The following SOX6 variants were observed in gnomAD, a reference collection of about 807,000 sequenced individuals.
SOX6 encodes the protein SRY-box transcription factor 6, also known as transcription factor SOX-6.
SOX6 carries 11 observed loss-of-function variants against 97.8 expected under a neutral mutation model. That is an observed-to-expected ratio of 0.11 (90% CI 0.07 to 0.19). The LOEUF (loss-of-function observed/expected upper bound fraction) is 0.19. Among genes scored for constraint, SOX6 ranks in the 10% least tolerant of loss-of-function variants. The pLI, the probability that SOX6 is intolerant of heterozygous loss-of-function variation, is 1.00. For missense variants in SOX6, 810 were observed against 1,039.5 expected (o/e 0.78, Z 3.04); for synonymous variants, 360 against 371.4 (o/e 0.97, Z 0.35).
At chr11:16,371,599 T>C (rs1054245484) in intron 1 of SOX6, among the ~76,000 whole-genome samples, 1 of 152,134 alleles carries the variant, frequency 6.6e-6, no homozygotes, top group Non-Finnish European at 1.5e-5. Context: ...AAGTGCTCAG[T>C]AAACACTGTT....
chr11:16,144,569 T>C (rs943635874), intron 6 of SOX6, among the ~76,000 whole-genome samples: 10 of 152,078 alleles, frequency 6.6e-5, no homozygotes, highest in African/African-American at 2.4e-4. Context: ...CAGCTGGTTT[T>C]TTGAAAAGAT....
At chr11:16,527,105 A>G (rs938288424) in intron 4 of SOX6, among the ~76,000 whole-genome samples, 14 of 152,106 alleles carry the variant, frequency 9.2e-5, no homozygotes, top group African/African-American at 3.4e-4. Context: ...TGTTCATTGC[A>G]AGTATCCTGA....
chr11:16,380,607 T>C (rs956798856), intron 1 of SOX6, among the ~76,000 whole-genome samples: 1 of 152,110 alleles, frequency 6.6e-6, no homozygotes, highest in African/African-American at 2.4e-5. Flanking sequence ...CAAATAAGTA[T>C]GATAGTTTTT....
chr11:16,145,237 C>T (rs191828148), intron 6 of SOX6, among the ~76,000 whole-genome samples: 292 of 152,202 alleles, frequency 1.9e-3, no homozygotes, highest in African/African-American at 6.8e-3. Context: ...TAAACAGAAC[C>T]AAAGACAAAA....
chr11:16,632,113 G>A (rs1270391353), intron 3 of SOX6, among the ~76,000 whole-genome samples: 1 of 152,188 alleles, frequency 6.6e-6, no homozygotes, highest in East Asian at 1.9e-4. Context: ...TTGCTAGAGA[G>A]CTAATGTGAT....
chr11:16,148,677 C>T (rs941538705), intron 6 of SOX6, among the ~76,000 whole-genome samples: 4 of 152,074 alleles, frequency 2.6e-5, no homozygotes, highest in East Asian at 1.9e-4. Flanking sequence ...CTACTGCTGG[C>T]GCACCCACGC....
chr11:16,703,645 ACAAAC>A (rs2134042836), intron 3 of SOX6, among the ~76,000 whole-genome samples: 1 of 152,278 alleles, frequency 6.6e-6, no homozygotes, highest in South Asian at 2.1e-4. Flanking sequence ...CTCATCAAAA[ACAAAC>A]CAAACTATAA....
chr11:16,598,738 C>T (rs1400874951), intron 4 of SOX6, among the ~76,000 whole-genome samples: 1 of 151,216 alleles, frequency 6.6e-6, no homozygotes, highest in African/African-American at 2.4e-5. Context: ...TTTTCTTTGT[C>T]TAATTTTAAA....
chr11:16,700,655 C>T (rs1006749395), intron 3 of SOX6, among the ~76,000 whole-genome samples: 4 of 152,180 alleles, frequency 2.6e-5, no homozygotes, highest in Non-Finnish European at 5.9e-5. Flanking sequence ...TCCCACTCTA[C>T]TTTAGGGTCT....
intron 3 of SOX6, among the ~76,000 whole-genome samples, chr11:16,704,859 T>C (rs867714724): frequency 1.3e-5 from 2 of 152,224 alleles, no homozygotes; most frequent in Non-Finnish European, 2.9e-5. Flanking sequence ...GGAAAGAAAA[T>C]TTAAATAATT....
chr11:16,008,374 A>G (rs566098305), intron 13 of SOX6, among the ~76,000 whole-genome samples: 9 of 152,110 alleles, frequency 5.9e-5, no homozygotes, highest in Non-Finnish European at 1.3e-4. Context: ...AAGAACATTC[A>G]GTCAGAAAAG....
chr11:16,142,066 C>G (rs1850157868), intron 6 of SOX6, among the ~76,000 whole-genome samples: 1 of 152,194 alleles, frequency 6.6e-6, no homozygotes, highest in South Asian at 2.1e-4. Context: ...TCAAGTGGAT[C>G]CCTGACCCCC....
chr11:16,565,950 G>C (rs1014744067), intron 4 of SOX6, among the ~76,000 whole-genome samples: 1 of 151,980 alleles, frequency 6.6e-6, no homozygotes, highest in South Asian at 2.1e-4. Flanking sequence ...CAAAAAATTA[G>C]TCAGGCGTGG....
intron 13 of SOX6, among the ~76,000 whole-genome samples, chr11:16,006,017 T>C (rs1854543127): frequency 6.6e-6 from 1 of 152,026 alleles, no homozygotes. Context: ...AAGACTGATC[T>C]GTAAGGCATC....
intron 1 of SOX6, among the ~76,000 whole-genome samples, chr11:16,341,881 T>C (rs1051335838): frequency 6.6e-6 from 1 of 152,030 alleles, no homozygotes; most frequent in Non-Finnish European, 1.5e-5. Flanking sequence ...AATGAGTCAA[T>C]TGTTGTAACT....
chr11:16,589,525 TA>T (rs1161225414), intron 4 of SOX6, among the ~76,000 whole-genome samples: 1 of 152,134 alleles, frequency 6.6e-6, no homozygotes, highest in Admixed American at 6.5e-5. Flanking sequence ...AGGATAATAT[TA>T]ATAATGTAGG....
intron 1 of SOX6, among the ~76,000 whole-genome samples, chr11:16,395,588 G>A (rs1274363232): frequency 6.6e-6 from 1 of 151,774 alleles, no homozygotes; most frequent in African/African-American, 2.4e-5. Context: ...GCTGGCAATA[G>A]AGGGGTCAGA....
chr11:16,133,929 C>A (rs759919652), intron 6 of SOX6, among the ~76,000 whole-genome samples: 5 of 152,196 alleles, frequency 3.3e-5, no homozygotes, highest in Non-Finnish European at 7.3e-5. Context: ...TCATGATCTG[C>A]CTGCCTTGGA....
At chr11:16,386,162 C>T (rs7942989) in intron 1 of SOX6, among the ~76,000 whole-genome samples, 104,166 of 151,990 alleles carry the variant, frequency 0.69, 35,891 homozygotes, top group Non-Finnish European at 0.72. Context: ...TTTTTGTTGT[C>T]GTTCTTATAC....
Sources: gnomAD v4.1 joint callset for allele counts (sites outside exome capture counted in the v4.1 genomes callset) on GRCh38, gnomAD v4.1.1 for gene constraint, MANE v1.5 for transcripts, NCBI Gene and HGNC (gene_info 2026-07-23, HGNC 2026-07-21) for gene names.